The following EXOSC10 variants were observed in gnomAD, a reference collection of about 807,000 sequenced individuals.
EXOSC10 encodes the protein exosome complex component 10.
A neutral mutation model predicts 126.6 loss-of-function variants in EXOSC10; 94 were observed. That is an observed-to-expected ratio of 0.74 (90% confidence interval 0.63 to 0.88). The LOEUF (loss-of-function observed/expected upper bound fraction) is 0.88, where lower values mean the gene tolerates loss of function less well. EXOSC10 is among the 40% of genes least tolerant of loss of function. EXOSC10 has a pLI of 0.00. For synonymous variants in EXOSC10, 395 were observed against 400.8 expected (o/e 0.99, Z 0.17); for missense variants, 1,041 against 1,100.5 (o/e 0.95, Z 0.77).
intron 1 of EXOSC10, among the ~76,000 whole-genome samples, chr1:11,099,075 C>G (rs945376411): frequency 5.1e-4 from 78 of 152,176 alleles, no homozygotes; most frequent in African/African-American, 1.7e-3. Context: ...AGTGGAATTT[C>G]TGTAAATTTA....
At chr1:11,099,288 G>A (rs1359071527) in intron 1 of EXOSC10, among the ~76,000 whole-genome samples, 1 of 152,208 alleles carries the variant, frequency 6.6e-6, no homozygotes, top group Non-Finnish European at 1.5e-5. Context: ...AAATTATGTA[G>A]GACTGGACTT....
intron 20 of EXOSC10, chr1:11,071,412 G>A (rs1639479625): frequency 1.1e-5 from 2 of 186,396 alleles, no homozygotes; most frequent in Admixed American, 1.1e-4. Context: ...ATCAAATGCT[G>A]TCAGCTTTGC....
chr1:11,093,980 T>C (rs1557718865), intron 3 of EXOSC10, among the ~76,000 whole-genome samples: 1 of 152,036 alleles, frequency 6.6e-6, no homozygotes, highest in Non-Finnish European at 1.5e-5. Flanking sequence ...CTTGGGAGGC[T>C]GTGGTGGGAG....
Position 11,069,628 on chromosome 1 carries a change from CCTTTGG to C in EXOSC10, c.2413_2418del (p.Pro805_Lys806del), listed in dbSNP as rs897837626. ...AACTCTTTTTCTGGTGGCTCTGGGT[CCTTTGG>C]CTTCTTGGAAATTTTGAGTCGTTTC... On this transcript the variant is annotated inframe_deletion, in exon 22 of 25. Transcript: ENST00000376936. 6.2e-7 allele frequency: 1 copy of C among 1,614,134 alleles called. No homozygotes were observed. Among genetic ancestry groups the C allele is most frequent in the Non-Finnish European group, 8.5e-7 (1 of 1,180,044 alleles).
rs1219832338 is a variant in EXOSC10 at position 11,079,607 on chromosome 1, T to G, written c.1749+104A>C. On this transcript the variant is annotated intron_variant, in intron 14 of 24. Transcript: ENST00000376936. ...CGGGGTTTCACCATGTTGGCCAGGC[T>G]GGTCTCGAACTCCTGACCTGAAATG... 6.8e-6 allele frequency: 6 copies of G among 887,084 alleles called. No individual in the cohort carries two copies. The Admixed American group carries it at 1.1e-4, about 16-fold the overall frequency. 55.0% of individuals were successfully genotyped at this position (887,084 alleles called of 1,614,324 possible). A position where few individuals can be genotyped will look rare whatever the true frequency, so the allele number is the denominator to read the frequency against.
chr1:11,097,292 C>T (rs915983757), intron 2 of EXOSC10, among the ~76,000 whole-genome samples: 1 of 150,398 alleles, frequency 6.6e-6, no homozygotes, highest in African/African-American at 2.4e-5. Flanking sequence ...GCAGGAGAAT[C>T]GCTTGAACCT....
chr1:11,066,881 C>T (rs552974152), intron 24 of EXOSC10, 133 bp from the exon 25 acceptor site: 9 of 1,024,334 alleles, frequency 8.8e-6, no homozygotes, highest in South Asian at 2.7e-5. Flanking sequence ...CCAGAGAACT[C>T]GGCGGCCCAC....
chr1:11,074,232 A>G lies in EXOSC10; in HGVS notation c.2081T>C (p.Met694Thr), dbSNP rs367775278. Residue 694 changes from methionine (M) to threonine (T), a missense_variant and splice_region_variant, in exon 18 of 25, where the codon ATG (methionine) becomes ACG (threonine). Transcript: ENST00000376936. ...IMESFENPFR[M>T]FLPSLGHRAP... is the part of the protein sequence containing the mutation. ...AGCCCTGACAAAACTACTACTCACC[A>G]TCCTAAATGGATTTTCAAAGGACTC... 230 of 1,612,466 alleles carry G rather than the reference A, an allele frequency of 1.4e-4. No homozygotes were observed. Among genetic ancestry groups the G allele is most frequent in the Non-Finnish European group, 1.7e-4 (203 of 1,178,652 alleles).
Position 11,068,714 on chromosome 1 carries a change from G to GT in EXOSC10, c.2489-9dup, listed in dbSNP as rs754760100. On this transcript the variant is annotated splice_polypyrimidine_tract_variant and intron_variant, in intron 22 of 24. Coordinates refer to ENST00000376936, the MANE Select transcript of EXOSC10 (RefSeq NM_001001998.3). ...CTTTGGATTTGCTGTTTCCTGAAAG[G>GT]TAAGAGATGAGAGAGACCTGCGGTC... is the stretch of plus-strand genomic sequence containing the variant. 3.7e-6 allele frequency: 6 copies of GT among 1,613,190 alleles called. No homozygotes were observed. Among genetic ancestry groups the GT allele is most frequent in the Non-Finnish European group, 5.1e-6 (6 of 1,179,138 alleles).
chr1:11,099,793 C>T lies in EXOSC10; in HGVS notation c.39G>A (p.Ser13=), dbSNP rs1225998203. Residue 13 remains serine (S), a synonymous_variant, in exon 1 of 25, where the codon TCG becomes TCA. Coordinates refer to ENST00000376936, the MANE Select transcript of EXOSC10 (RefSeq NM_001001998.3). Reference sequence around the variant, plus strand: ...CGTCGGATTTGGTTGCGCTGGTCGCCGACAGGACCCTGGGCTCCCGGGTAC... The same window carrying T: ...CGTCGGATTTGGTTGCGCTGGTCGCTGACAGGACCCTGGGCTCCCGGGTAC... The part of the protein sequence containing the change: ...PPSTREPRVL[S]ATSATKSDGE... 6 of 1,611,806 alleles carry T rather than the reference C, an allele frequency of 3.7e-6. No homozygotes were observed. Among genetic ancestry groups the T allele is most frequent in the South Asian group, 3.3e-5 (3 of 90,960 alleles).
intron 2 of EXOSC10, among the ~76,000 whole-genome samples, chr1:11,097,147 T>C (rs1454789623): frequency 6.6e-6 from 1 of 151,084 alleles, no homozygotes; most frequent in African/African-American, 2.4e-5. Context: ...GAGGTGGAGG[T>C]TGCTGCGAGC....
At chr1:11,071,869 ACG>A (rs1639518613) in intron 20 of EXOSC10, 2 of 73,596 alleles carry the variant, frequency 2.7e-5, no homozygotes, top group Non-Finnish European at 5.0e-5. Context: ...CCAACCACCA[ACG>A]AGACAGCTAC....
In EXOSC10 at chr1:11,077,021, T is replaced by C. The variant is rs969488752; in HGVS notation, c.1880-73A>G. The C allele has an allele frequency of 1.0e-5, 12 of 1,150,112 alleles. No individual in the cohort carries two copies. In the African/African-American group the frequency reaches 1.5e-4, roughly 14 times the overall value. The allele number at this position is 1,150,112 out of a possible 1,614,324, so 71.2% of individuals were successfully genotyped here. A position where few individuals can be genotyped will look rare whatever the true frequency, so the allele number is the denominator to read the frequency against. ...ATTTTTTCTTTTTGAGATGGAGTTT[T>C]AGTGTAGTCCCCTAGGCTGGAGTAC... On this transcript the variant is annotated intron_variant, in intron 16 of 24. Transcript: ENST00000376936.
At chr1:11,081,836 A>G (rs555983092) in intron 10 of EXOSC10, among the ~76,000 whole-genome samples, 1 of 152,070 alleles carries the variant, frequency 6.6e-6, no homozygotes, top group Non-Finnish European at 1.5e-5. Flanking sequence ...TAATCCCAGC[A>G]CTTTGGGAGG....
At chr1:11,078,517 A>G (rs1639955134) in intron 14 of EXOSC10, among the ~76,000 whole-genome samples, 1 of 152,040 alleles carries the variant, frequency 6.6e-6, no homozygotes, top group Non-Finnish European at 1.5e-5. Flanking sequence ...TCGGCCTCCC[A>G]AAGTGCTGGG....
At chr1:11,074,922 GAC>G (rs1303345725) in intron 17 of EXOSC10, among the ~76,000 whole-genome samples, 3 of 152,316 alleles carry the variant, frequency 2.0e-5, no homozygotes, top group South Asian at 4.1e-4. Context: ...CAGAGGTTGT[GAC>G]AGTCTTTCAG....
intron 10 of EXOSC10, 39 bp downstream of exon 10, chr1:11,082,646 TTTC>T: frequency 5.0e-6 from 8 of 1,609,462 alleles, no homozygotes; most frequent in Non-Finnish European, 6.8e-6. Flanking sequence ...GAATAATCAC[TTTC>T]TTCTGCCACC....
chr1:11,082,275 G>C (rs549843708), intron 10 of EXOSC10, among the ~76,000 whole-genome samples: 6 of 151,962 alleles, frequency 3.9e-5, no homozygotes, highest in East Asian at 1.9e-4. Flanking sequence ...TCAGTGTAAA[G>C]CTAAACAACA....
intron 9 of EXOSC10, among the ~76,000 whole-genome samples, chr1:11,084,826 G>T (rs1463811090): frequency 2.6e-5 from 4 of 152,144 alleles, no homozygotes; most frequent in Non-Finnish European, 5.9e-5. Flanking sequence ...AAGGGATCCA[G>T]TTTCAGCTTT....
Sources: allele counts gnomAD v4.1 joint callset (sites outside exome capture counted in the v4.1 genomes callset), GRCh38; gene constraint gnomAD v4.1.1; transcripts MANE v1.5; gene names NCBI Gene and HGNC (gene_info 2026-07-23, HGNC 2026-07-21).